The following CNTNAP4 variants were observed in gnomAD, a reference collection of about 807,000 sequenced individuals.
CNTNAP4 encodes contactin associated protein family member 4, also known as contactin-associated protein-like 4.
CNTNAP4 carries 98 observed loss-of-function variants against 148.4 expected under a neutral mutation model. That is an observed-to-expected ratio of 0.66 (90% CI 0.56 to 0.78). CNTNAP4 has a LOEUF of 0.78. Ranked by LOEUF, CNTNAP4 falls within the 30% of genes least tolerant of loss-of-function variation. The pLI, the probability that CNTNAP4 is intolerant of heterozygous loss-of-function variation, is 0.00. For missense variants in CNTNAP4, 1,935 were observed against 1,565.6 expected, an observed-to-expected ratio of 1.24 and a Z score of -3.98; for synonymous variants, 730 against 565.1, an observed-to-expected ratio of 1.29 and a Z score of -4.14.
At chr16:76,513,792 G>A (rs7194056) in intron 15 of CNTNAP4, among the ~76,000 whole-genome samples, 95,436 of 151,962 alleles carry the variant, frequency 0.63, 30,527 homozygotes, top group East Asian at 0.78. Context: ...TTAAAAGACA[G>A]TAATCTGAAT....
At chr16:76,347,375 G>C (rs1964996350) in intron 2 of CNTNAP4, among the ~76,000 whole-genome samples, 1 of 152,108 alleles carries the variant, frequency 6.6e-6, no homozygotes. Context: ...TATGTGTCCA[G>C]CAATGTGCTA....
At chr16:76,372,305 A>T (rs1597351608) in intron 3 of CNTNAP4, among the ~76,000 whole-genome samples, 1 of 121,114 alleles carries the variant, frequency 8.3e-6, no homozygotes, top group African/African-American at 2.7e-5. Flanking sequence ...AGGCCCAGCT[A>T]ATTTTTTTTT....
chr16:76,334,369 A>C (rs1324828822), intron 2 of CNTNAP4, among the ~76,000 whole-genome samples: 2 of 152,100 alleles, frequency 1.3e-5, no homozygotes, highest in Non-Finnish European at 2.9e-5. Flanking sequence ...TTGGGGCACC[A>C]CTTAGCCAGG....
intron 21 of CNTNAP4, among the ~76,000 whole-genome samples, chr16:76,549,525 A>G (rs1205267182): frequency 1.3e-5 from 2 of 152,184 alleles, no homozygotes; most frequent in Non-Finnish European, 2.9e-5. Flanking sequence ...CAATAAAAGG[A>G]GAAAAAAACT....
chr16:76,351,523 G>A (rs1196371064), intron 2 of CNTNAP4, among the ~76,000 whole-genome samples: 1 of 152,204 alleles, frequency 6.6e-6, no homozygotes, highest in African/African-American at 2.4e-5. Context: ...CTGCAGAGCT[G>A]CGCAGCTTAA....
chr16:76,402,450 A>G (rs1200662115), intron 3 of CNTNAP4, among the ~76,000 whole-genome samples: 1 of 151,202 alleles, frequency 6.6e-6, no homozygotes, highest in Non-Finnish European at 1.5e-5. Flanking sequence ...TTCTTTATTA[A>G]TCTAGCTAGC....
chr16:76,430,253 AG>A (rs2145067832), intron 4 of CNTNAP4, among the ~76,000 whole-genome samples: 2 of 152,322 alleles, frequency 1.3e-5, no homozygotes, highest in East Asian at 3.9e-4. Flanking sequence ...CTAGTAATGT[AG>A]GGAAGCAGGC....
At position 76,538,322 on chromosome 16, in the gene CNTNAP4, G is replaced by A. The variant is rs1251194085; in HGVS notation, c.3202G>A (p.Val1068Met). 6.2e-7 allele frequency: 1 copy of A among 1,602,700 alleles called. No individual in the cohort carries two copies. Among genetic ancestry groups the A allele is most frequent in the African/African-American group, 1.3e-5 (1 of 74,158 alleles). The change falls in exon 19 of 24, where the codon GTG (valine) becomes ATG (methionine). Residue 1068 changes from valine (V) to methionine (M), a missense_variant. Transcript: ENST00000611870. ...VSSFYKEYLS[V>M]IIAKNGSLQI... is the part of the protein sequence containing the mutation. ...CTCCTTTTACAAAGAATACCTTTCT[G>A]TGATCATTGCCAAAAATGGTGAGTT...
At chr16:76,501,677 G>T (rs553708514) in intron 15 of CNTNAP4, among the ~76,000 whole-genome samples, 1 of 152,296 alleles carries the variant, frequency 6.6e-6, no homozygotes, top group Admixed American at 6.5e-5. Context: ...CCACAGAGAA[G>T]AATTATCTGG....
chr16:76,303,411 C>G (rs1403960507), intron 1 of CNTNAP4, among the ~76,000 whole-genome samples: 1 of 152,062 alleles, frequency 6.6e-6, no homozygotes, highest in Non-Finnish European at 1.5e-5. Flanking sequence ...TGAAATATCA[C>G]CTAATATGAC....
At chr16:76,312,375 G>A (rs1021037903) in intron 1 of CNTNAP4, among the ~76,000 whole-genome samples, 1 of 152,132 alleles carries the variant, frequency 6.6e-6, no homozygotes, top group African/African-American at 2.4e-5. Context: ...CCTTAGCTTT[G>A]CAAGTCTAGA....
chr16:76,552,060 G>T (rs778734092), intron 21 of CNTNAP4, among the ~76,000 whole-genome samples: 2 of 152,172 alleles, frequency 1.3e-5, no homozygotes, highest in Non-Finnish European at 2.9e-5. Flanking sequence ...TAATCGGAAA[G>T]CAACTTATAG....
chr16:76,390,545 C>G (rs1487654276), intron 3 of CNTNAP4, among the ~76,000 whole-genome samples: 1 of 149,332 alleles, frequency 6.7e-6, no homozygotes, highest in Non-Finnish European at 1.5e-5. Context: ...CAACTTAATG[C>G]TATCTCTTCT....
intron 2 of CNTNAP4, among the ~76,000 whole-genome samples, chr16:76,324,949 A>C (rs1231265864): frequency 6.6e-6 from 1 of 152,214 alleles, no homozygotes; most frequent in African/African-American, 2.4e-5. Context: ...TTGTTGGGAC[A>C]CAAACATTCA....
intron 3 of CNTNAP4, among the ~76,000 whole-genome samples, chr16:76,412,351 G>A (rs184142312): frequency 1.3e-3 from 197 of 151,322 alleles, no homozygotes; most frequent in Non-Finnish European, 1.2e-3. Flanking sequence ...CTGATTTTGC[G>A]CTGGGTACAT....
At chr16:76,317,275 A>C (rs1470189892) in intron 2 of CNTNAP4, among the ~76,000 whole-genome samples, 1 of 104,774 alleles carries the variant, frequency 9.5e-6, no homozygotes, top group Non-Finnish European at 1.9e-5. Context: ...CAAAAAAAAA[A>C]ACCAAAAAAA....
At chr16:76,453,843 A>C (rs986421418) in intron 8 of CNTNAP4, among the ~76,000 whole-genome samples, 1 of 152,172 alleles carries the variant, frequency 6.6e-6, no homozygotes, top group African/African-American at 2.4e-5. Context: ...AAGAGATACT[A>C]TGCTGTGACT....
chr16:76,502,887 T>G (rs974189626), intron 15 of CNTNAP4, among the ~76,000 whole-genome samples: 1 of 152,054 alleles, frequency 6.6e-6, no homozygotes, highest in African/African-American at 2.4e-5. Flanking sequence ...AAAATGTAGA[T>G]CAGCCATGTT....
chr16:76,521,361 A>G, intron 16 of CNTNAP4, 51 bp downstream of exon 16: 1 of 1,451,748 alleles, frequency 6.9e-7, no homozygotes, highest in African/African-American at 1.4e-5. Context: ...TTTAGTAGTA[A>G]ATCTTTTAAC....
Sources: allele counts gnomAD v4.1 joint callset (sites outside exome capture counted in the v4.1 genomes callset), GRCh38; gene constraint gnomAD v4.1.1; transcripts MANE v1.5; gene names NCBI Gene and HGNC (gene_info 2026-07-23, HGNC 2026-07-21).